The following CNOT6 variants were observed in gnomAD, a reference collection of about 807,000 sequenced individuals.
CNOT6 encodes the protein CCR4-NOT transcription complex subunit 6.
A neutral mutation model predicts 61.2 loss-of-function variants in CNOT6; 12 were observed. The observed-to-expected ratio is 0.20, with a 90% CI of 0.13 to 0.32. The LOEUF is 0.32. Among genes scored for constraint, CNOT6 ranks in the 10% least tolerant of loss-of-function variants. CNOT6 has a pLI of 1.00. For synonymous variants in CNOT6, 225 were observed against 240.6 expected (o/e 0.94, Z 0.60); for missense variants, 405 against 663.9 (o/e 0.61, Z 4.28).
Position 180,537,526 on chromosome 5 carries a change from C to T in CNOT6, c.112+8138C>T, listed in dbSNP as rs117882340. Among the ~76,000 whole-genome samples, 284 of 152,068 alleles carry T rather than the reference C, an allele frequency of 1.9e-3. 4 individuals are homozygous for T. In the East Asian group the frequency reaches 0.043, roughly 23 times the overall value. Reference sequence around the variant, plus strand: ...TTTTTTTTTAAACTTTTAAAAAATGCGGATATGTCTTTTGCAAAAATATCT... The same window carrying T: ...TTTTTTTTTAAACTTTTAAAAAATGTGGATATGTCTTTTGCAAAAATATCT... On this transcript the variant is annotated intron_variant, in intron 2 of 11. Coordinates refer to ENST00000261951, the MANE Select transcript of CNOT6 (RefSeq NM_001370472.1).
chr5:180,556,816 C>T (rs772442682), intron 4 of CNOT6, among the ~76,000 whole-genome samples: 3 of 152,134 alleles, frequency 2.0e-5, no homozygotes, highest in Admixed American at 6.5e-5. Context: ...ATTAGCCAGG[C>T]ATGGTGGCAG....
intron 4 of CNOT6, among the ~76,000 whole-genome samples, chr5:180,555,738 C>T (rs1561658571): frequency 6.6e-6 from 1 of 152,164 alleles, no homozygotes; most frequent in Non-Finnish European, 1.5e-5. Flanking sequence ...CTCCCGGCAT[C>T]CGCTTGGAAG....
intron 2 of CNOT6, among the ~76,000 whole-genome samples, chr5:180,545,271 C>T (rs925173611): frequency 2.6e-5 from 4 of 152,200 alleles, no homozygotes; most frequent in East Asian, 1.9e-4. Context: ...TCATATTCAT[C>T]GATCCTGAAA....
intron 2 of CNOT6, among the ~76,000 whole-genome samples, chr5:180,530,785 C>T (rs1447181523): frequency 6.6e-6 from 1 of 152,140 alleles, no homozygotes; most frequent in Admixed American, 6.5e-5. Flanking sequence ...GAGCATGCTG[C>T]CTTCAAGCAT....
intron 10 of CNOT6, among the ~76,000 whole-genome samples, chr5:180,570,174 A>C (rs189459722): frequency 1.4e-3 from 217 of 152,280 alleles, no homozygotes; most frequent in African/African-American, 5.1e-3. Flanking sequence ...CCTGGCCAAC[A>C]TGGTGAAACC....
intron 2 of CNOT6, among the ~76,000 whole-genome samples, chr5:180,541,485 T>C (rs1418535442): frequency 7.5e-6 from 1 of 132,550 alleles, no homozygotes; most frequent in Non-Finnish European, 1.5e-5. Context: ...AGAGTTTCGC[T>C]CTGTTGCCCA....
chr5:180,532,903 G>A (rs1007944522), intron 2 of CNOT6, among the ~76,000 whole-genome samples: 4 of 152,202 alleles, frequency 2.6e-5, no homozygotes, highest in African/African-American at 7.2e-5. Flanking sequence ...ACAGGGCAAG[G>A]TGTAGGGGAA....
At chr5:180,560,018 G>C (rs1463701817) in intron 4 of CNOT6, among the ~76,000 whole-genome samples, 1 of 149,864 alleles carries the variant, frequency 6.7e-6, no homozygotes, top group Non-Finnish European at 1.5e-5. Flanking sequence ...GCGCGATCTC[G>C]GCTCACTGCA....
rs1012586022 is a variant in CNOT6, at chr5:180,578,185, A to G, written c.*3985A>G. ...TTGGCTGTTATTCTGTATAACACTC[A>G]TATCTTTGCCAAAGTTCAATTTTAT... On this transcript the variant is annotated 3_prime_UTR_variant, in exon 12 of 12. Transcript: ENST00000261951. 6.6e-6 allele frequency: 1 copy of G among 152,630 alleles called. No homozygotes were observed. The highest frequency in any genetic ancestry group is 2.4e-5 in the African/African-American group (1 of 41,440). 9.5% of individuals were successfully genotyped at this position (152,630 alleles called of 1,614,324 possible). A position where few individuals can be genotyped will look rare whatever the true frequency, so the allele number is the denominator to read the frequency against.
intron 4 of CNOT6, among the ~76,000 whole-genome samples, chr5:180,556,284 A>G (rs1759884671): frequency 6.6e-6 from 1 of 152,170 alleles, no homozygotes; most frequent in African/African-American, 2.4e-5. Flanking sequence ...CAGAGTGGAA[A>G]GGAGAGGTGT....
chr5:180,509,076 T>C (rs1314041241), intron 1 of CNOT6, among the ~76,000 whole-genome samples: 1 of 152,134 alleles, frequency 6.6e-6, no homozygotes. Context: ...TGCATTGGCC[T>C]CCCAAAGTAC....
intron 1 of CNOT6, among the ~76,000 whole-genome samples, chr5:180,502,964 T>G (rs1250994742): frequency 6.6e-6 from 1 of 152,228 alleles, no homozygotes; most frequent in Non-Finnish European, 1.5e-5. Context: ...TCTAAAATTA[T>G]GACAATGATA....
intron 1 of CNOT6, among the ~76,000 whole-genome samples, chr5:180,497,056 G>A (rs1349196138): frequency 2.6e-5 from 4 of 152,062 alleles, no homozygotes; most frequent in Admixed American, 6.6e-5. Flanking sequence ...TGCCAGGCGC[G>A]GTGACTCACG....
intron 4 of CNOT6, among the ~76,000 whole-genome samples, chr5:180,555,907 A>G (rs1034218713): frequency 6.6e-6 from 1 of 152,092 alleles, no homozygotes; most frequent in Non-Finnish European, 1.5e-5. Flanking sequence ...TTCCCCCCAC[A>G]TTTTTAAATA....
At chr5:180,564,378 T>C (rs1208286715) in intron 4 of CNOT6, 111 bp from the exon 5 acceptor site, 3 of 604,146 alleles carry the variant, frequency 5.0e-6, no homozygotes, top group Non-Finnish European at 8.8e-6. Flanking sequence ...TCTGACATCT[T>C]ACTAGTAACT....
chr5:180,540,372 C>A (rs567649387), intron 2 of CNOT6, among the ~76,000 whole-genome samples: 2 of 152,266 alleles, frequency 1.3e-5, no homozygotes, highest in South Asian at 2.1e-4. Flanking sequence ...TAATATTATA[C>A]CATTTCACTC....
chr5:180,498,396 A>G (rs542138070), intron 1 of CNOT6, among the ~76,000 whole-genome samples: 3 of 152,324 alleles, frequency 2.0e-5, no homozygotes, highest in East Asian at 1.9e-4. Context: ...GGGAGAACAC[A>G]ATAGAGAATG....
rs971858261 is a variant in CNOT6 at position 180,565,955 on chromosome 5, A to G, written c.695A>G (p.Asn232Ser). Residue 232 changes from asparagine (N) to serine (S), a missense_variant, in exon 7 of 12, where the codon AAT (asparagine) becomes AGT (serine). Transcript: ENST00000261951. ...KAIIQEILSCNADIVSLQEVE... is the reference protein window; with the variant it reads ...KAIIQEILSCSADIVSLQEVE... ...ATTATTCAAGAAATCTTGAGCTGCA[A>G]TGCTGATATCGTAAGTCTTCAGGTA... The G allele has an allele frequency of 3.1e-6, 5 of 1,613,702 alleles. No individual in the cohort carries two copies. Among genetic ancestry groups the G allele is most frequent in the Admixed American group, 1.7e-5 (1 of 59,968 alleles).
Position 180,565,882 on chromosome 5 carries a change from G to A in CNOT6, c.622G>A (p.Gly208Ser), listed in dbSNP as rs145701342. 229 of 1,613,298 alleles carry A rather than the reference G, an allele frequency of 1.4e-4. No individual in the cohort carries two copies. Among genetic ancestry groups the A allele is most frequent in the Admixed American group, 2.3e-4 (14 of 59,974 alleles). ...TAAATATGCGACCCGGCAGTTATAC[G>A]GCTACTGTCCATCATGGGCGCTAAA... ...CDKYATRQLY[G>S]YCPSWALNWD... The change falls in exon 7 of 12, where the codon GGC (glycine) becomes AGC (serine). Residue 208 changes from glycine (G) to serine (S), a missense_variant. Gly to Ser is a moderately conservative substitution (Grantham distance 56). Coordinates refer to ENST00000261951, the MANE Select transcript of CNOT6 (RefSeq NM_001370472.1).
Sources: gnomAD v4.1 joint callset for allele counts (sites outside exome capture counted in the v4.1 genomes callset) on GRCh38, gnomAD v4.1.1 for gene constraint, MANE v1.5 for transcripts, NCBI Gene and HGNC (gene_info 2026-07-23, HGNC 2026-07-21) for gene names.